The following PDZRN4 variants were observed in gnomAD, a reference collection of about 807,000 sequenced individuals.
PDZRN4 encodes PDZ domain-containing RING finger protein 4.
Under a neutral mutation model 99.0 loss-of-function variants are expected in PDZRN4, and 70 were observed. The observed-to-expected ratio is 0.71, with a 90% confidence interval of 0.58 to 0.86. The LOEUF is 0.86. Among genes scored for constraint, PDZRN4 ranks in the 40% least tolerant of loss-of-function variants. PDZRN4 has a pLI of 0.00. For synonymous variants in PDZRN4, 551 were observed against 501.6 expected (o/e 1.10, Z -1.32); for missense variants, 1,474 against 1,331.2 (o/e 1.11, Z -1.67).
intron 3 of PDZRN4, among the ~76,000 whole-genome samples, chr12:41,223,462 G>A (rs1313075521): frequency 6.6e-6 from 1 of 152,032 alleles, no homozygotes; most frequent in Admixed American, 6.6e-5. Flanking sequence ...ACACAAAGAT[G>A]AATAACATAT....
At chr12:41,457,509 C>T (rs949694204) in intron 3 of PDZRN4, among the ~76,000 whole-genome samples, 2 of 152,124 alleles carry the variant, frequency 1.3e-5, no homozygotes, top group African/African-American at 2.4e-5. Context: ...TCATAACAAA[C>T]TTCACAGCCA....
At chr12:41,422,217 G>A (rs1441253084) in intron 3 of PDZRN4, among the ~76,000 whole-genome samples, 1 of 152,110 alleles carries the variant, frequency 6.6e-6, no homozygotes, top group Admixed American at 6.6e-5. Flanking sequence ...AGCAGAAAAA[G>A]AAGTCAATGC....
At chr12:41,513,103 C>T (rs1187204670) in intron 5 of PDZRN4, among the ~76,000 whole-genome samples, 1 of 152,052 alleles carries the variant, frequency 6.6e-6, no homozygotes, top group Admixed American at 6.6e-5. Flanking sequence ...AGACTTAGTG[C>T]ATGGATTATT....
At chr12:41,437,651 G>C (rs1288359391) in intron 3 of PDZRN4, 3 of 788,468 alleles carry the variant, frequency 3.8e-6, no homozygotes, top group Non-Finnish European at 5.3e-6. Context: ...TCATGAGCTG[G>C]AATCTGTGTA....
At chr12:41,232,435 G>A (rs895569627) in intron 3 of PDZRN4, among the ~76,000 whole-genome samples, 2 of 152,058 alleles carry the variant, frequency 1.3e-5, no homozygotes, top group East Asian at 1.9e-4. Flanking sequence ...GGTGTTCATC[G>A]GCTGCATCCT....
chr12:41,484,969 G>A (rs1176400334), intron 3 of PDZRN4, among the ~76,000 whole-genome samples: 1 of 152,024 alleles, frequency 6.6e-6, no homozygotes, highest in Non-Finnish European at 1.5e-5. Flanking sequence ...TGTTTCCTGG[G>A]TCTGACTCCC....
At chr12:41,468,660 AT>A (rs145221769) in intron 3 of PDZRN4, among the ~76,000 whole-genome samples, 17,430 of 152,194 alleles carry the variant, frequency 0.11, 1,304 homozygotes, top group Non-Finnish European at 0.16. Flanking sequence ...ACTATGATTA[AT>A]TTTTTTAACT....
At chr12:41,415,687 A>G (rs1952438859) in intron 3 of PDZRN4, among the ~76,000 whole-genome samples, 1 of 152,148 alleles carries the variant, frequency 6.6e-6, no homozygotes, top group African/African-American at 2.4e-5. Context: ...GATAAAACAT[A>G]ATTATTTGGA....
Position 41,461,806 on chromosome 12 carries a change from C to G in PDZRN4, c.844-44650C>G, listed in dbSNP as rs146515639. 5.3e-3 allele frequency among the ~76,000 whole-genome samples: 811 copies of G among 152,154 alleles called. 11 individuals are homozygous for G. The highest frequency in any genetic ancestry group is 0.019 in the African/African-American group (775 of 41,520). ...AAAATCCATAATATTGTTTGAAACT[C>G]TCTTATTGAACTTTCAGCAGATGCT... is the stretch of plus-strand genomic sequence containing the variant. On this transcript the variant is annotated intron_variant, in intron 3 of 9. Coordinates refer to ENST00000402685, the MANE Select transcript of PDZRN4 (RefSeq NM_001164595.2).
chr12:41,242,043 A>G (rs1294008690), intron 3 of PDZRN4, among the ~76,000 whole-genome samples: 1 of 152,182 alleles, frequency 6.6e-6, no homozygotes, highest in Non-Finnish European at 1.5e-5. Context: ...CTGCCTGCTC[A>G]TGTTGTTGGC....
chr12:41,563,527 C>G (rs368228430), intron 7 of PDZRN4, 21 bp from the exon 8 acceptor site: 2 of 1,521,604 alleles, frequency 1.3e-6, no homozygotes, highest in South Asian at 1.1e-5. Context: ...AACTAATGTG[C>G]CACTCTCATT....
chr12:41,227,139 G>A (rs1459122009), intron 3 of PDZRN4, among the ~76,000 whole-genome samples: 1 of 152,108 alleles, frequency 6.6e-6, no homozygotes, highest in African/African-American at 2.4e-5. Context: ...TTTACAGATA[G>A]TAAGTAAAAT....
intron 3 of PDZRN4, among the ~76,000 whole-genome samples, chr12:41,210,873 CA>C (rs11293763): frequency 0.59 from 89,757 of 151,646 alleles, 26,832 homozygotes; most frequent in Middle Eastern, 0.68. Flanking sequence ...AACATTTTAC[CA>C]AAAGACACTA....
In PDZRN4 at chr12:41,572,886, C is replaced by T; in HGVS notation, c.2107C>T (p.His703Tyr). The change falls in exon 10 of 10, where the codon CAT becomes TAT. Residue 703 changes from histidine to tyrosine, a missense_variant. Physicochemically the swap from His to Tyr is moderately conservative, Grantham distance 83 (BLOSUM62 2). Transcript: ENST00000402685. ...TDQYGDIWTL[H>Y]DGGFRNYNTS... is the part of the protein sequence containing the mutation. The stretch of plus-strand genomic sequence containing the variant: ...CCAGTATGGAGACATCTGGACATTG[C>T]ATGATGGAGGATTCCGGAATTATAA... 2 of 1,614,102 alleles carry T rather than the reference C, an allele frequency of 1.2e-6. No individual in the cohort carries two copies. The highest frequency in any genetic ancestry group is 2.2e-5 in the East Asian group (1 of 44,880).
intron 8 of PDZRN4, among the ~76,000 whole-genome samples, chr12:41,565,254 T>C (rs904754419): frequency 6.6e-6 from 1 of 152,020 alleles, no homozygotes; most frequent in Non-Finnish European, 1.5e-5. Context: ...TAGGATGCTG[T>C]CCTGCCTGTC....
chr12:41,567,832 T>C lies in PDZRN4; in HGVS notation c.1517T>C (p.Leu506Ser). ...GAAAGGAATGAATTCTTAGAGGAGT[T>C]AAACTTGGAGATGTTGGAAGAAGAG... ...EDERNEFLEE[L>S]NLEMLEEEHN... is the part of the protein sequence containing the mutation. The change falls in exon 9 of 10, where the codon TTA becomes TCA. Residue 506 changes from leucine (L) to serine (S), a missense_variant. Physicochemically the swap from Leu to Ser is moderately radical, Grantham distance 145. Coordinates refer to ENST00000402685, the MANE Select transcript of PDZRN4 (RefSeq NM_001164595.2). 6.2e-7 allele frequency: 1 copy of C among 1,613,600 alleles called. No homozygotes were observed. Among genetic ancestry groups the C allele is most frequent in the Non-Finnish European group, 8.5e-7 (1 of 1,179,728 alleles).
At chr12:41,567,965 T>A (rs1939407571) in intron 9 of PDZRN4, 66 bp downstream of exon 9, 1 of 913,368 alleles carries the variant, frequency 1.1e-6, no homozygotes, top group Non-Finnish European at 1.7e-6. Flanking sequence ...TGTGTAACCA[T>A]AAATGAAGAT....
intron 3 of PDZRN4, among the ~76,000 whole-genome samples, chr12:41,273,930 G>T (rs189758769): frequency 6.6e-6 from 1 of 152,018 alleles, no homozygotes; most frequent in Non-Finnish European, 1.5e-5. Flanking sequence ...AATGCATCAA[G>T]ATCTAAAGTC....
Position 41,334,401 on chromosome 12 carries a change from A to AAG in PDZRN4, c.843+140214_843+140215insGA, listed in dbSNP as rs1317548628. On this transcript the variant is annotated intron_variant, in intron 3 of 9. Transcript: ENST00000402685. Reference sequence around the variant, plus strand: ...ATTAATGAAAAGTTAAAAAAAAAAAAAAAAGAAAGAAAGAAGCCAAATTGA... The same window carrying AAG: ...ATTAATGAAAAGTTAAAAAAAAAAAAAGAAAAGAAAGAAAGAAGCCAAATTGA... 2.9e-3 allele frequency among the ~76,000 whole-genome samples: 439 copies of AAG among 151,818 alleles called. 15 individuals are homozygous for AAG. Among genetic ancestry groups the AAG allele is most frequent in the Admixed American group, 0.027 (417 of 15,220 alleles).
Sources: gnomAD v4.1 joint callset for allele counts (sites outside exome capture counted in the v4.1 genomes callset) on GRCh38, gnomAD v4.1.1 for gene constraint, MANE v1.5 for transcripts, NCBI Gene and HGNC (gene_info 2026-07-23, HGNC 2026-07-21) for gene names.